Variants in KLHL32 observed in about 807,000 individuals in gnomAD.
KLHL32 encodes kelch like family member 32.
A neutral mutation model predicts 64.8 loss-of-function variants in KLHL32; 35 were observed. The ratio of observed to expected loss-of-function variants is 0.54; its 90% CI spans 0.41 to 0.72. The LOEUF (loss-of-function observed/expected upper bound fraction) is 0.72. KLHL32 is among the 30% of genes least tolerant of loss of function. KLHL32 has a pLI of 0.00. For missense variants in KLHL32, 589 were observed against 768.5 expected (o/e 0.77, Z 2.76); for synonymous variants, 259 against 281.0 (o/e 0.92, Z 0.78).
intron 6 of KLHL32, among the ~76,000 whole-genome samples, chr6:97,087,008 A>T (rs1394782119): frequency 6.6e-6 from 1 of 152,194 alleles, no homozygotes. Flanking sequence ...CAGATGGCTG[A>T]GTGTCAAGAA....
upstream of KLHL32, among the ~76,000 whole-genome samples, chr6:96,919,632 A>G (rs1305337204): frequency 6.6e-6 from 1 of 152,204 alleles, no homozygotes; most frequent in Non-Finnish European, 1.5e-5. Context: ...TAATGCAATT[A>G]AAAGTGTTAT....
At chr6:97,096,790 T>C (rs1795046076) in intron 6 of KLHL32, among the ~76,000 whole-genome samples, 1 of 152,204 alleles carries the variant, frequency 6.6e-6, no homozygotes, top group Non-Finnish European at 1.5e-5. Context: ...TAGAGAACTG[T>C]AAGGATTTTG....
chr6:97,137,806 A>G (rs985735873), intron 10 of KLHL32, among the ~76,000 whole-genome samples: 6 of 152,166 alleles, frequency 3.9e-5, no homozygotes, highest in African/African-American at 1.4e-4. Flanking sequence ...TCCTGAGATT[A>G]CAGGCATCAG....
intron 8 of KLHL32, among the ~76,000 whole-genome samples, 185 bp from the exon 9 acceptor site, chr6:97,130,572 G>A (rs1283979913): frequency 6.6e-6 from 1 of 152,084 alleles, no homozygotes; most frequent in Non-Finnish European, 1.5e-5. Flanking sequence ...GGAATATGTG[G>A]CTCTTTTGTA....
At chr6:96,902,755 G>T in the KLHL32 span, among the ~76,000 whole-genome samples, 1 of 152,098 alleles carries the variant, frequency 6.6e-6, no homozygotes, top group Admixed American at 6.6e-5. Flanking sequence ...ATCTTGAGTT[G>T]ATTTCTGTGT....
intron 4 of KLHL32, among the ~76,000 whole-genome samples, chr6:97,045,262 C>T (rs892171579): frequency 6.6e-6 from 1 of 152,194 alleles, no homozygotes; most frequent in Non-Finnish European, 1.5e-5. Context: ...TTATCATTCA[C>T]AGAGTTGCCA....
At chr6:96,935,567 AGCCTCATTAG>A (rs1439239274) in intron 1 of KLHL32, among the ~76,000 whole-genome samples, 1 of 152,172 alleles carries the variant, frequency 6.6e-6, no homozygotes, top group East Asian at 1.9e-4. Flanking sequence ...TTGAACTTGC[AGCCTCATTAG>A]GTGGTTAGTA....
At chr6:97,060,343 G>T (rs549994832) in intron 4 of KLHL32, among the ~76,000 whole-genome samples, 3 of 152,202 alleles carry the variant, frequency 2.0e-5, no homozygotes, top group African/African-American at 7.2e-5. Flanking sequence ...AAGAGAAAAA[G>T]AAGACAGAAT....
the KLHL32 span, among the ~76,000 whole-genome samples, chr6:96,908,661 T>C: frequency 1.3e-5 from 2 of 152,202 alleles, no homozygotes; most frequent in East Asian, 1.9e-4. Flanking sequence ...CTTTGAATTA[T>C]AGGATGCTAG....
intron 1 of KLHL32, among the ~76,000 whole-genome samples, chr6:96,945,217 G>A (rs1390519742): frequency 6.6e-6 from 1 of 152,214 alleles, no homozygotes; most frequent in East Asian, 1.9e-4. Context: ...GGCTGTGCCA[G>A]CCCTTTATGC....
intron 10 of KLHL32, among the ~76,000 whole-genome samples, chr6:97,135,728 T>C (rs903366087): frequency 6.6e-6 from 1 of 152,230 alleles, no homozygotes; most frequent in Non-Finnish European, 1.5e-5. Context: ...TTTTAGTTAA[T>C]GACAGCTAGT....
intron 3 of KLHL32, among the ~76,000 whole-genome samples, chr6:96,995,640 T>A (rs1172930839): frequency 6.6e-6 from 1 of 152,164 alleles, no homozygotes; most frequent in Non-Finnish European, 1.5e-5. Context: ...CCTCAGGGCC[T>A]TTGCACTTCT....
intron 5 of KLHL32, among the ~76,000 whole-genome samples, chr6:97,068,596 A>G: frequency 6.6e-6 from 1 of 152,256 alleles, no homozygotes; most frequent in Admixed American, 6.5e-5. Flanking sequence ...GGAAACTGTT[A>G]ATGTGTTCAC....
At chr6:96,981,611 CT>C (rs1248052759) in intron 3 of KLHL32, among the ~76,000 whole-genome samples, 1 of 151,920 alleles carries the variant, frequency 6.6e-6, no homozygotes, top group Non-Finnish European at 1.5e-5. Context: ...TTGGTTTGCT[CT>C]TGTTTCTCTA....
intron 7 of KLHL32, among the ~76,000 whole-genome samples, chr6:97,126,011 C>A (rs1447125559): frequency 6.6e-6 from 1 of 152,080 alleles, no homozygotes; most frequent in African/African-American, 2.4e-5. Flanking sequence ...GTCAAGGGGC[C>A]TAGAGTCAGG....
At chr6:96,918,139 C>T in the KLHL32 span, among the ~76,000 whole-genome samples, 5 of 152,274 alleles carry the variant, frequency 3.3e-5, no homozygotes, top group African/African-American at 7.2e-5. Context: ...TAAATAAAAA[C>T]GGAAAGAGCT....
chr6:97,062,687 T>C (rs1278173582), intron 4 of KLHL32, among the ~76,000 whole-genome samples: 2 of 152,230 alleles, frequency 1.3e-5, no homozygotes, highest in African/African-American at 4.8e-5. Flanking sequence ...GAGCAACAGC[T>C]ATGTGTGCTG....
At chr6:96,988,832 T>A (rs1002150425) in intron 3 of KLHL32, among the ~76,000 whole-genome samples, 14 of 152,134 alleles carry the variant, frequency 9.2e-5, no homozygotes, top group African/African-American at 3.4e-4. Flanking sequence ...GAAACCATCA[T>A]TCTCAGCAAA....
intron 1 of KLHL32, among the ~76,000 whole-genome samples, chr6:96,945,965 C>T (rs1771871484): frequency 6.6e-6 from 1 of 152,002 alleles, no homozygotes; most frequent in Non-Finnish European, 1.5e-5. Flanking sequence ...AAAGTTTCTG[C>T]AGTTATGGGT....
Sources: gnomAD v4.1 joint callset for allele counts (sites outside exome capture counted in the v4.1 genomes callset) on GRCh38, gnomAD v4.1.1 for gene constraint, MANE v1.5 for transcripts, NCBI Gene and HGNC (gene_info 2026-07-23, HGNC 2026-07-21) for gene names.